LRRC38: variants seen among roughly 807,000 people sequenced by gnomAD.
LRRC38 encodes the protein leucine-rich repeat-containing protein 38.
Under a neutral mutation model 16.4 loss-of-function variants are expected in LRRC38, and 5 were observed. The ratio of observed to expected loss-of-function variants is 0.31; its 90% confidence interval spans 0.16 to 0.64. The LOEUF (loss-of-function observed/expected upper bound fraction) is 0.64, where lower values mean the gene tolerates loss of function less well. LRRC38 is among the 30% of genes least tolerant of loss of function. LRRC38 has a pLI of 0.80. For missense variants in LRRC38, 341 were observed against 401.8 expected (o/e 0.85, Z 1.29); for synonymous variants, 191 against 190.2 (o/e 1.00, Z -0.04).
intron 1 of LRRC38, among the ~76,000 whole-genome samples, chr1:13,503,355 G>A (rs1383583912): frequency 9.2e-5 from 14 of 151,996 alleles, no homozygotes; most frequent in East Asian, 1.9e-4. Flanking sequence ...TGCAAGCTCC[G>A]CCTCCTGGGT....
At chr1:13,500,936 G>A (rs768584492) in intron 1 of LRRC38, among the ~76,000 whole-genome samples, 15 of 152,144 alleles carry the variant, frequency 9.9e-5, no homozygotes, top group African/African-American at 2.7e-4. Context: ...ATGAATGAGC[G>A]GGGCACAAAG....
At chr1:13,485,598 C>A (rs1174157724) in intron 1 of LRRC38, among the ~76,000 whole-genome samples, 1 of 151,976 alleles carries the variant, frequency 6.6e-6, no homozygotes, top group Non-Finnish European at 1.5e-5. Flanking sequence ...AATGCTTGCA[C>A]AAGTTATTGC....
At chr1:13,495,370 C>A (rs530143365) in intron 1 of LRRC38, among the ~76,000 whole-genome samples, 158 of 152,106 alleles carry the variant, frequency 1.0e-3, no homozygotes, top group African/African-American at 3.7e-3. Context: ...TGACAAGGAT[C>A]CGTTGTGAGC....
At chr1:13,502,983 T>C (rs1208803406) in intron 1 of LRRC38, among the ~76,000 whole-genome samples, 5 of 152,198 alleles carry the variant, frequency 3.3e-5, no homozygotes, top group African/African-American at 1.2e-4. Context: ...TCTTTTCAAA[T>C]GAAGACAGGA....
At chr1:13,484,780 C>A (rs1310880817) in intron 1 of LRRC38, among the ~76,000 whole-genome samples, 1 of 152,256 alleles carries the variant, frequency 6.6e-6, no homozygotes, top group African/African-American at 2.4e-5. Flanking sequence ...TCTAAGCACT[C>A]TGCATTGCCT....
At chr1:13,499,752 G>A (rs1639123782) in intron 1 of LRRC38, among the ~76,000 whole-genome samples, 1 of 152,198 alleles carries the variant, frequency 6.6e-6, no homozygotes, top group South Asian at 2.1e-4. Flanking sequence ...ACATGAGGCA[G>A]AGAGGCAGCA....
intron 1 of LRRC38, among the ~76,000 whole-genome samples, chr1:13,510,664 G>A (rs1639263823): frequency 6.7e-6 from 1 of 148,388 alleles, no homozygotes; most frequent in Non-Finnish European, 1.5e-5. Flanking sequence ...GAGGAGGAGG[G>A]AGGGGGCGGG....
At chr1:13,512,016 T>C (rs1639279435) in intron 1 of LRRC38, among the ~76,000 whole-genome samples, 1 of 152,216 alleles carries the variant, frequency 6.6e-6, no homozygotes, top group Non-Finnish European at 1.5e-5. Flanking sequence ...GCCTTGCAGC[T>C]GTGGTCCCAA....
Position 13,498,570 on chromosome 1 carries a change from G to T in LRRC38, c.631+14393C>A, listed in dbSNP as rs890801325. Among the ~76,000 whole-genome samples, 3 of 152,196 alleles carry T rather than the reference G, an allele frequency of 2.0e-5. No individual in the cohort carries two copies. The East Asian group carries it at 5.8e-4, about 29-fold the overall frequency. On this transcript the variant is annotated intron_variant, in intron 1 of 1. Coordinates refer to ENST00000376085, the MANE Select transcript of LRRC38 (RefSeq NM_001010847.2). ...CGCTTGAACCTGGGAGGCGGAGGTT[G>T]CAGTAAGCCAAAATTGCGCCACTGC...
chr1:13,485,042 C>T (rs772035942), intron 1 of LRRC38, among the ~76,000 whole-genome samples: 1 of 151,892 alleles, frequency 6.6e-6, no homozygotes, highest in Non-Finnish European at 1.5e-5. Context: ...CTTTGGGAGG[C>T]TGAGGCAGGG....
At chr1:13,485,426 A>C (rs761406755) in intron 1 of LRRC38, among the ~76,000 whole-genome samples, 5 of 151,996 alleles carry the variant, frequency 3.3e-5, no homozygotes, top group Non-Finnish European at 5.9e-5. Flanking sequence ...AATACAAAAA[A>C]TTAGCATGGT....
At chr1:13,484,734 A>G (rs115930470) in intron 1 of LRRC38, among the ~76,000 whole-genome samples, 17 of 152,202 alleles carry the variant, frequency 1.1e-4, no homozygotes, top group African/African-American at 3.6e-4. Flanking sequence ...GCATCAGCCA[A>G]CCTCTCTTGC....
chr1:13,491,050 C>T (rs1177879082), intron 1 of LRRC38, among the ~76,000 whole-genome samples: 3 of 152,222 alleles, frequency 2.0e-5, no homozygotes, highest in Non-Finnish European at 4.4e-5. Context: ...TACCATTTAA[C>T]GTAACCCTCT....
intron 1 of LRRC38, among the ~76,000 whole-genome samples, chr1:13,483,092 G>A (rs576632785): frequency 1.4e-4 from 21 of 152,100 alleles, no homozygotes; most frequent in Non-Finnish European, 2.9e-4. Context: ...CACCAGCCTG[G>A]CCCAGCCCCT....
At chr1:13,488,693 T>A (rs150734494) in intron 1 of LRRC38, among the ~76,000 whole-genome samples, 1 of 152,164 alleles carries the variant, frequency 6.6e-6, no homozygotes, top group Non-Finnish European at 1.5e-5. Flanking sequence ...TGATAAGCCA[T>A]GAAAGGGTAT....
chr1:13,500,142 C>T (rs1639129513), intron 1 of LRRC38, among the ~76,000 whole-genome samples: 2 of 151,776 alleles, frequency 1.3e-5, no homozygotes, highest in Non-Finnish European at 2.9e-5. Flanking sequence ...ATAATCCCAG[C>T]TACTTGGGAG....
At chr1:13,483,619 G>T (rs1250493195) in intron 1 of LRRC38, among the ~76,000 whole-genome samples, 1 of 152,100 alleles carries the variant, frequency 6.6e-6, no homozygotes, top group African/African-American at 2.4e-5. Flanking sequence ...AGAATGAAGA[G>T]ATGCTGCCCA....
chr1:13,493,139 T>C (rs1207248239), intron 1 of LRRC38, among the ~76,000 whole-genome samples: 1 of 152,210 alleles, frequency 6.6e-6, no homozygotes, highest in Non-Finnish European at 1.5e-5. Context: ...GCAATTCTGA[T>C]TTTCCTGGCA....
At chr1:13,506,518 C>A (rs1052111962) in intron 1 of LRRC38, among the ~76,000 whole-genome samples, 10 of 152,104 alleles carry the variant, frequency 6.6e-5, no homozygotes, top group African/African-American at 2.4e-4. Context: ...AGTGCAGTGG[C>A]ATGATCTCGG....
Sources: gnomAD v4.1 joint callset for allele counts (sites outside exome capture counted in the v4.1 genomes callset) on GRCh38, gnomAD v4.1.1 for gene constraint, MANE v1.5 for transcripts, NCBI Gene and HGNC (gene_info 2026-07-23, HGNC 2026-07-21) for gene names.